The following CEP112 variants were observed in gnomAD, a reference collection of about 807,000 sequenced individuals.
CEP112 encodes the protein centrosomal protein 112, also known as centrosomal protein of 112 kDa.
CEP112 carries 127 observed loss-of-function variants against 153.0 expected under a neutral mutation model. The observed-to-expected ratio is 0.83, with a 90% CI of 0.72 to 0.96. The LOEUF (loss-of-function observed/expected upper bound fraction) is 0.96, where lower values mean the gene tolerates loss of function less well. Among genes scored for constraint, CEP112 ranks in the 40% least tolerant of loss-of-function variants. The probability of loss-of-function intolerance (pLI) is 0.00; values close to 1 mark genes in which losing one functional copy is unlikely to be tolerated. For synonymous variants in CEP112, 358 were observed against 374.4 expected (o/e 0.96, Z 0.51); for missense variants, 1,089 against 1,101.2 (o/e 0.99, Z 0.16).
chr17:65,969,056 AGTTTTTT>A (rs1274745279), intron 17 of CEP112, among the ~76,000 whole-genome samples: 4 of 147,188 alleles, frequency 2.7e-5, no homozygotes, highest in Admixed American at 7.0e-5. Context: ...ACATTATATC[AGTTTTTT>A]GTTTTTTTGT....
chr17:66,017,959 C>A (rs2064840793), intron 16 of CEP112, among the ~76,000 whole-genome samples: 1 of 150,338 alleles, frequency 6.7e-6, no homozygotes, highest in African/African-American at 2.5e-5. Flanking sequence ...GAGATTGTGC[C>A]ACTGCACTTC....
chr17:66,136,231 C>T (rs1327877614), intron 4 of CEP112, among the ~76,000 whole-genome samples: 1 of 152,164 alleles, frequency 6.6e-6, no homozygotes, highest in Non-Finnish European at 1.5e-5. Flanking sequence ...GACTAGTATG[C>T]AGTAACTGAC....
chr17:66,027,131 C>CT (rs1317125050), intron 16 of CEP112, among the ~76,000 whole-genome samples: 1 of 152,188 alleles, frequency 6.6e-6, no homozygotes, highest in Non-Finnish European at 1.5e-5. Flanking sequence ...AATCCCAGCA[C>CT]TTTGGGAGGC....
intron 4 of CEP112, 125 bp from the exon 5 acceptor site, chr17:66,132,888 C>T (rs1231720052): frequency 1.4e-6 from 1 of 705,734 alleles, no homozygotes; most frequent in African/African-American, 1.8e-5. Flanking sequence ...AATGATGTTC[C>T]ATAGCCGGGC....
At chr17:65,655,192 T>G (rs1185054750) in intron 24 of CEP112, 2 of 769,580 alleles carry the variant, frequency 2.6e-6, no homozygotes, top group Non-Finnish European at 4.8e-6. Flanking sequence ...GACAAGTGGC[T>G]GTCTCACTGG....
chr17:66,010,486 C>T (rs560368515), intron 16 of CEP112, among the ~76,000 whole-genome samples: 50 of 152,206 alleles, frequency 3.3e-4, no homozygotes, highest in African/African-American at 1.1e-3. Context: ...CCAGGTTTTC[C>T]ACTACTATGT....
At chr17:65,887,862 G>C (rs1339043838) in intron 20 of CEP112, among the ~76,000 whole-genome samples, 2 of 152,156 alleles carry the variant, frequency 1.3e-5, no homozygotes, top group Non-Finnish European at 2.9e-5. Flanking sequence ...CCTCATGGAG[G>C]GGGTGTTTCC....
At chr17:65,804,200 T>A (rs958396043) in intron 21 of CEP112, among the ~76,000 whole-genome samples, 2 of 152,210 alleles carry the variant, frequency 1.3e-5, no homozygotes, top group African/African-American at 4.8e-5. Context: ...AAAGACATGT[T>A]AATTTAAATA....
intron 17 of CEP112, among the ~76,000 whole-genome samples, chr17:65,999,454 G>T (rs11653033): frequency 0.41 from 62,441 of 151,894 alleles, 14,295 homozygotes; most frequent in East Asian, 0.87. Flanking sequence ...GCCCACCTCG[G>T]CCTCCCAAAG....
At chr17:65,850,178 GAAT>G (rs967058177) in intron 21 of CEP112, among the ~76,000 whole-genome samples, 2 of 122,386 alleles carry the variant, frequency 1.6e-5, no homozygotes, top group African/African-American at 6.1e-5. Context: ...AAAAAAAAAA[GAAT>G]ATTTCCCTAA....
intron 19 of CEP112, among the ~76,000 whole-genome samples, chr17:65,916,283 G>A (rs76944790): frequency 0.011 from 1,111 of 105,648 alleles, 15 homozygotes; most frequent in African/African-American, 0.038. Flanking sequence ...GTGTGTGTGT[G>A]TGTGTGTGTA....
Position 65,823,082 on chromosome 17 carries a change from C to T in CEP112, c.2394+28722G>A, listed in dbSNP as rs1236046674. On this transcript the variant is annotated intron_variant, in intron 21 of 26. Transcript: ENST00000535342. ...AAACCTAAATAAATGGTAAGATCTTCCATGGTCATGGATCAGAAAACTCAA... is the reference window on the plus strand; with the variant it reads ...AAACCTAAATAAATGGTAAGATCTTTCATGGTCATGGATCAGAAAACTCAA... Among the ~76,000 whole-genome samples, 3 of 151,944 alleles carry T rather than the reference C, an allele frequency of 2.0e-5. No homozygotes were observed. The East Asian group carries it at 5.8e-4, about 29-fold the overall frequency.
intron 1 of CEP112, among the ~76,000 whole-genome samples, chr17:66,186,483 G>A (rs985216115): frequency 9.9e-5 from 15 of 152,160 alleles, no homozygotes; most frequent in African/African-American, 2.9e-4. Flanking sequence ...TAGAGACGGC[G>A]TTTCACCGTG....
chr17:65,967,387 C>G (rs1272336346), intron 17 of CEP112, among the ~76,000 whole-genome samples: 1 of 152,150 alleles, frequency 6.6e-6, no homozygotes, highest in East Asian at 1.9e-4. Context: ...AGCCTTTATT[C>G]TCAGTAAGTT....
chr17:65,975,477 T>C (rs1200731578), intron 17 of CEP112, among the ~76,000 whole-genome samples: 1 of 152,162 alleles, frequency 6.6e-6, no homozygotes, highest in Non-Finnish European at 1.5e-5. Context: ...CAGGGATGTA[T>C]ATGTATGTGT....
At chr17:65,820,362 T>G (rs1247606232) in intron 21 of CEP112, among the ~76,000 whole-genome samples, 1 of 152,080 alleles carries the variant, frequency 6.6e-6, no homozygotes, top group East Asian at 1.9e-4. Context: ...CTAGATAGTT[T>G]TCTAGTTCTT....
intron 17 of CEP112, among the ~76,000 whole-genome samples, chr17:65,967,138 T>G (rs2062442800): frequency 6.6e-6 from 1 of 152,170 alleles, no homozygotes; most frequent in East Asian, 1.9e-4. Context: ...GACAAAGACC[T>G]TTTATTGTCA....
At chr17:66,144,610 T>C (rs899904855) in intron 4 of CEP112, among the ~76,000 whole-genome samples, 2 of 152,148 alleles carry the variant, frequency 1.3e-5, no homozygotes, top group African/African-American at 4.8e-5. Flanking sequence ...GGAGAATTGC[T>C]TGAACCCAGG....
chr17:65,641,976 C>CA (rs1226121301), intron 24 of CEP112, among the ~76,000 whole-genome samples: 1 of 152,142 alleles, frequency 6.6e-6, no homozygotes, highest in Non-Finnish European at 1.5e-5. Flanking sequence ...AACTGATGCT[C>CA]ACTGGGCTAG....
Sources: allele counts gnomAD v4.1 joint callset (sites outside exome capture counted in the v4.1 genomes callset), GRCh38; gene constraint gnomAD v4.1.1; transcripts MANE v1.5; gene names NCBI Gene and HGNC (gene_info 2026-07-23, HGNC 2026-07-21).